The following PRKD1 variants were observed in gnomAD, a reference collection of about 807,000 sequenced individuals.
PRKD1 encodes protein kinase D1.
A neutral mutation model predicts 95.9 loss-of-function variants in PRKD1; 63 were observed. The observed-to-expected ratio is 0.66, with a 90% CI of 0.54 to 0.81. PRKD1 has a LOEUF of 0.81. PRKD1 is among the 30% of genes least tolerant of loss of function. The pLI is 0.00. For missense variants in PRKD1, 1,048 were observed against 1,165.3 expected (o/e 0.90, Z 1.47); for synonymous variants, 425 against 423.1 (o/e 1.00, Z -0.05).
chr14:29,758,907 T>C (rs1250281877), intron 1 of PRKD1, among the ~76,000 whole-genome samples: 1 of 152,216 alleles, frequency 6.6e-6, no homozygotes, highest in Non-Finnish European at 1.5e-5. Context: ...ACTGCAAATA[T>C]ATTTATTTGG....
At chr14:29,720,436 T>C (rs1324685600) in intron 2 of PRKD1, among the ~76,000 whole-genome samples, 1 of 152,116 alleles carries the variant, frequency 6.6e-6, no homozygotes, top group African/African-American at 2.4e-5. Flanking sequence ...CACTGTATGA[T>C]ACTTTCATCT....
chr14:29,726,475 C>T (rs981988585), intron 1 of PRKD1, among the ~76,000 whole-genome samples: 1 of 152,028 alleles, frequency 6.6e-6, no homozygotes, highest in African/African-American at 2.4e-5. Flanking sequence ...AAGATGCAAA[C>T]TCAGGGAAAA....
intron 1 of PRKD1, among the ~76,000 whole-genome samples, chr14:29,737,360 A>AAAAAAAAAAAAAC (rs1886780452): frequency 6.8e-6 from 1 of 147,032 alleles, no homozygotes; most frequent in Non-Finnish European, 1.5e-5. Flanking sequence ...AAAAAAAAAA[A>AAAAAAAAAAAAAC]AATACTCTGC....
intron 1 of PRKD1, among the ~76,000 whole-genome samples, chr14:29,739,531 A>G (rs1886890383): frequency 6.6e-6 from 1 of 152,222 alleles, no homozygotes; most frequent in Non-Finnish European, 1.5e-5. Flanking sequence ...GACAAAAAAG[A>G]ATATATCTAA....
At chr14:29,721,610 G>T (rs938413537) in intron 2 of PRKD1, among the ~76,000 whole-genome samples, 1 of 152,000 alleles carries the variant, frequency 6.6e-6, no homozygotes, top group Non-Finnish European at 1.5e-5. Flanking sequence ...CATGAAGAAG[G>T]CTTCAAATAC....
At chr14:29,617,207 C>T (rs1257407772) in intron 13 of PRKD1, among the ~76,000 whole-genome samples, 1 of 152,082 alleles carries the variant, frequency 6.6e-6, no homozygotes. Context: ...CCATTTTTCA[C>T]CATTTAGGTT....
chr14:29,913,638 C>T (rs1894794499), intron 1 of PRKD1, among the ~76,000 whole-genome samples: 1 of 152,206 alleles, frequency 6.6e-6, no homozygotes, highest in African/African-American at 2.4e-5. Flanking sequence ...TTAAGATCTA[C>T]ATCCTAGTTG....
intron 13 of PRKD1, among the ~76,000 whole-genome samples, chr14:29,612,405 G>A (rs961949296): frequency 3.9e-5 from 6 of 152,074 alleles, no homozygotes; most frequent in Non-Finnish European, 7.4e-5. Context: ...AAAGACTAGC[G>A]TTCTTTGAAA....
At chr14:29,724,928 G>C (rs1049841564) in intron 2 of PRKD1, among the ~76,000 whole-genome samples, 4 of 151,940 alleles carry the variant, frequency 2.6e-5, no homozygotes, top group Admixed American at 2.6e-4. Flanking sequence ...TTTCTGTTTG[G>C]TTAGGCACAG....
chr14:29,830,517 G>C (rs957474528), intron 1 of PRKD1, among the ~76,000 whole-genome samples: 4 of 151,622 alleles, frequency 2.6e-5, no homozygotes, highest in Admixed American at 6.6e-5. Flanking sequence ...TTATCTCTCT[G>C]TGTGTGTGTG....
chr14:29,723,760 AAAACTAGAATT>A (rs1221997158), intron 2 of PRKD1, among the ~76,000 whole-genome samples: 1 of 152,110 alleles, frequency 6.6e-6, no homozygotes. Context: ...TATGTCGTTC[AAAACTAGAATT>A]AAACTGTTAG....
chr14:29,598,611 GT>G (rs1171406241), intron 15 of PRKD1, among the ~76,000 whole-genome samples: 2 of 152,194 alleles, frequency 1.3e-5, no homozygotes, highest in African/African-American at 2.4e-5. Context: ...AGTCACATCA[GT>G]CAAGTCACTT....
intron 1 of PRKD1, among the ~76,000 whole-genome samples, chr14:29,901,568 TA>T (rs753562388): frequency 6.6e-6 from 1 of 152,138 alleles, no homozygotes; most frequent in African/African-American, 2.4e-5. Flanking sequence ...GCTGAAATTA[TA>T]AAAAATAAAA....
At chr14:29,823,481 A>T (rs1459311397) in intron 1 of PRKD1, among the ~76,000 whole-genome samples, 1 of 152,204 alleles carries the variant, frequency 6.6e-6, no homozygotes, top group Non-Finnish European at 1.5e-5. Flanking sequence ...CAAGCTCACA[A>T]TTTTAAAATA....
chr14:29,874,368 T>C (rs1304976717), intron 1 of PRKD1, among the ~76,000 whole-genome samples: 1 of 152,162 alleles, frequency 6.6e-6, no homozygotes, highest in Non-Finnish European at 1.5e-5. Context: ...TCTTATAAAC[T>C]GTTGGTGGGA....
intron 2 of PRKD1, among the ~76,000 whole-genome samples, chr14:29,711,702 G>C (rs998182690): frequency 6.6e-6 from 1 of 152,056 alleles, no homozygotes; most frequent in Non-Finnish European, 1.5e-5. Flanking sequence ...ACTGTCATAT[G>C]GATCTTTTAA....
At chr14:29,610,916 A>T (rs541088706) in intron 13 of PRKD1, among the ~76,000 whole-genome samples, 38 of 152,218 alleles carry the variant, frequency 2.5e-4, no homozygotes, top group Non-Finnish European at 4.9e-4. Flanking sequence ...GCCACATACT[A>T]TGTGATTCCA....
chr14:29,662,802 T>G (rs893202552), intron 4 of PRKD1, among the ~76,000 whole-genome samples: 1 of 151,848 alleles, frequency 6.6e-6, no homozygotes, highest in African/African-American at 2.4e-5. Context: ...TTTCAAAATT[T>G]TTTTCTCTCT....
At chr14:29,885,124 T>TTTTAAA (rs1232960518) in intron 1 of PRKD1, among the ~76,000 whole-genome samples, 1 of 131,074 alleles carries the variant, frequency 7.6e-6, no homozygotes, top group African/African-American at 2.9e-5. Context: ...CTCCATCTTT[T>TTTTAAA]AAAAAAAAAA....
Sources: allele counts gnomAD v4.1 joint callset (sites outside exome capture counted in the v4.1 genomes callset), GRCh38; gene constraint gnomAD v4.1.1; transcripts MANE v1.5; gene names NCBI Gene and HGNC (gene_info 2026-07-23, HGNC 2026-07-21).